The following FOXN3 variants were observed in gnomAD, a reference collection of about 807,000 sequenced individuals.
FOXN3 encodes the protein forkhead box protein N3.
A neutral mutation model predicts 38.4 loss-of-function variants in FOXN3; 7 were observed. The ratio of observed to expected loss-of-function variants is 0.18; its 90% CI spans 0.10 to 0.34. FOXN3 has a LOEUF of 0.34. Among genes scored for constraint, FOXN3 ranks in the 10% least tolerant of loss-of-function variants. FOXN3 has a pLI of 1.00. For missense variants in FOXN3, 456 were observed against 613.4 expected (o/e 0.74, Z 2.71); for synonymous variants, 230 against 242.2 (o/e 0.95, Z 0.47).
At chr14:89,273,743 A>C (rs904152925) in intron 4 of FOXN3, among the ~76,000 whole-genome samples, 1 of 152,250 alleles carries the variant, frequency 6.6e-6, no homozygotes, top group African/African-American at 2.4e-5. Context: ...GCTGATTGTA[A>C]GCAAAAGCAG....
chr14:89,571,369 C>G (rs1029580917), intron 1 of FOXN3, among the ~76,000 whole-genome samples: 2 of 151,878 alleles, frequency 1.3e-5, no homozygotes. Flanking sequence ...ATTAGCCAAG[C>G]GTGGTAGCAG....
intron 1 of FOXN3, among the ~76,000 whole-genome samples, chr14:89,545,311 C>T (rs775472661): frequency 2.6e-5 from 4 of 152,194 alleles, no homozygotes; most frequent in East Asian, 1.9e-4. Flanking sequence ...GGATCTCATT[C>T]GTCGATACGG....
chr14:89,244,345 A>G (rs1287287138), intron 4 of FOXN3, among the ~76,000 whole-genome samples: 1 of 152,234 alleles, frequency 6.6e-6, no homozygotes, highest in Non-Finnish European at 1.5e-5. Context: ...CCATACCTAC[A>G]AATGTCATCT....
Position 89,558,960 on chromosome 14 carries a change from C to T in FOXN3, c.-15+60068G>A, listed in dbSNP as rs919555533. 2.6e-5 allele frequency among the ~76,000 whole-genome samples: 4 copies of T among 152,318 alleles called. No individual in the cohort carries two copies. In the South Asian group the frequency reaches 8.3e-4, roughly 32 times the overall value. The stretch of plus-strand genomic sequence containing the variant: ...TGAAACTTCTTCTGATTTACCCCCT[C>T]GCATTCTTGCCCACCCTTTCTGGAA... On this transcript the variant is annotated intron_variant, in intron 1 of 6. Coordinates refer to the FOXN3 transcript ENST00000345097.
chr14:89,353,502 G>A (rs1272990214), intron 2 of FOXN3: 1 of 152,104 alleles, frequency 6.6e-6, no homozygotes, highest in Non-Finnish European at 1.5e-5. Flanking sequence ...TCACTGGGAA[G>A]AGCTTTTTGA....
chr14:89,338,243 G>T (rs1273739465), intron 3 of FOXN3, among the ~76,000 whole-genome samples: 1 of 152,150 alleles, frequency 6.6e-6, no homozygotes, highest in South Asian at 2.1e-4. Flanking sequence ...GGGGAGGAGG[G>T]TAGCCAATGA....
In FOXN3 at chr14:89,603,519, T is replaced by C. The variant is rs138094597; in HGVS notation, c.-15+15509A>G. ...TACTGCTTTCTGCACATATGATCTG[T>C]ACCGTAGTTGGCCAAAGGCATTCAT... On this transcript the variant is annotated intron_variant, in intron 1 of 6. Transcript: ENST00000345097. 4.1e-3 allele frequency among the ~76,000 whole-genome samples: 629 copies of C among 152,326 alleles called. 5 individuals are homozygous for C. The highest frequency in any genetic ancestry group is 0.014 in the African/African-American group (597 of 41,568).
chr14:89,486,274 A>G (rs1489986279), intron 1 of FOXN3, among the ~76,000 whole-genome samples: 1 of 152,216 alleles, frequency 6.6e-6, no homozygotes, highest in Non-Finnish European at 1.5e-5. Context: ...TCTATGTGAA[A>G]ATTCCCAGCA....
intron 1 of FOXN3, among the ~76,000 whole-genome samples, chr14:89,506,038 G>A (rs570695457): frequency 7.6e-6 from 1 of 132,134 alleles, no homozygotes; most frequent in Non-Finnish European, 1.7e-5. Flanking sequence ...GTCAGCCCCC[G>A]GCCCGGCCAG....
At chr14:89,460,151 A>T (rs1892812679) in intron 1 of FOXN3, among the ~76,000 whole-genome samples, 1 of 152,196 alleles carries the variant, frequency 6.6e-6, no homozygotes, top group Non-Finnish European at 1.5e-5. Flanking sequence ...TGTAAAAGAC[A>T]AGGACATCCT....
intron 4 of FOXN3, among the ~76,000 whole-genome samples, chr14:89,249,265 G>C (rs1444255324): frequency 1.3e-5 from 2 of 152,130 alleles, no homozygotes; most frequent in Non-Finnish European, 2.9e-5. Flanking sequence ...AAAGGCTTCC[G>C]TTGCTGTCAT....
intron 1 of FOXN3, among the ~76,000 whole-genome samples, chr14:89,550,886 G>A (rs541981522): frequency 1.6e-3 from 250 of 152,256 alleles, no homozygotes; most frequent in Non-Finnish European, 3.1e-3. Context: ...GAGAGCGAGA[G>A]ACTCTTTTCT....
chr14:89,541,351 A>G (rs1354205049), intron 1 of FOXN3, among the ~76,000 whole-genome samples: 2 of 152,200 alleles, frequency 1.3e-5, no homozygotes, highest in Non-Finnish European at 2.9e-5. Context: ...AGCACAAGAT[A>G]CAGGTCACAA....
intron 4 of FOXN3, among the ~76,000 whole-genome samples, chr14:89,189,260 T>G (rs939723153): frequency 1.3e-5 from 2 of 152,112 alleles, no homozygotes; most frequent in Non-Finnish European, 2.9e-5. Context: ...GGCACCTGTT[T>G]TGGGTCTGAG....
In FOXN3 at chr14:89,251,548, T is replaced by C. The variant is rs74520294; in HGVS notation, c.745+29402A>G. Among the ~76,000 whole-genome samples the C allele has an allele frequency of 9.8e-5, 15 of 152,354 alleles. No individual in the cohort carries two copies. The East Asian group carries it at 2.9e-3, about 29-fold the overall frequency. ...CTCTTACATAGCTTACATATAATGA[T>C]ATTTAATGTGGAATGTGGGTGGATT... On this transcript the variant is annotated intron_variant, in intron 4 of 5. Coordinates refer to ENST00000557258, the MANE Select transcript of FOXN3 (RefSeq NM_005197.4).
chr14:89,489,302 C>G (rs1893522796), intron 1 of FOXN3, among the ~76,000 whole-genome samples: 1 of 152,196 alleles, frequency 6.6e-6, no homozygotes, highest in African/African-American at 2.4e-5. Flanking sequence ...AAGTGCCATA[C>G]TATATAGAGG....
At position 89,200,899 on chromosome 14, in the gene FOXN3, A is replaced by G. The variant is rs1888220069; in HGVS notation, c.746-20093T>C. Among the ~76,000 whole-genome samples the G allele has an allele frequency of 3.9e-5, 6 of 152,196 alleles. 1 individual carries two copies. The highest frequency in any genetic ancestry group is 4.1e-4 in the South Asian group (2 of 4,832). ...AGCAGCTGCCTAGGAAAAAACTCAAAGAACCATGTGGACAGAAACTGAGAA... is the reference window on the plus strand; with the variant it reads ...AGCAGCTGCCTAGGAAAAAACTCAAGGAACCATGTGGACAGAAACTGAGAA... On this transcript the variant is annotated intron_variant, in intron 4 of 5. Coordinates refer to ENST00000557258, the MANE Select transcript of FOXN3 (RefSeq NM_005197.4).
intron 2 of FOXN3, among the ~76,000 whole-genome samples, chr14:89,381,145 C>CAAAAAAA (rs71130067): frequency 3.1e-5 from 2 of 64,216 alleles, no homozygotes; most frequent in Admixed American, 2.5e-4. Flanking sequence ...CCCTCCGTCT[C>CAAAAAAA]AAAAAAAAAA....
chr14:89,455,165 C>A (rs1892694812), intron 1 of FOXN3, among the ~76,000 whole-genome samples: 1 of 152,182 alleles, frequency 6.6e-6, no homozygotes, highest in Non-Finnish European at 1.5e-5. Context: ...AGAATCATCT[C>A]CAATGTTCCT....
Sources: allele counts gnomAD v4.1 joint callset (sites outside exome capture counted in the v4.1 genomes callset), GRCh38; gene constraint gnomAD v4.1.1; transcripts MANE v1.5; gene names NCBI Gene and HGNC (gene_info 2026-07-23, HGNC 2026-07-21).